ABCC3: variants seen among roughly 807,000 people sequenced by gnomAD.
The protein encoded by ABCC3 is ATP-binding cassette sub-family C member 3.
Under a neutral mutation model 165.3 loss-of-function variants are expected in ABCC3, and 121 were observed. The ratio of observed to expected loss-of-function variants is 0.73; its 90% CI spans 0.63 to 0.85. ABCC3 has a LOEUF of 0.85. Among genes scored for constraint, ABCC3 ranks in the 40% least tolerant of loss-of-function variants. ABCC3 has a pLI of 0.00. For missense variants in ABCC3, 1,869 were observed against 1,964.1 expected (o/e 0.95, Z 0.92); for synonymous variants, 733 against 810.1 (o/e 0.90, Z 1.62).
rs796250696 is a variant in ABCC3, at chr17:50,668,028, G to T, written c.1782+19G>T. On this transcript the variant is annotated intron_variant, in intron 13 of 30. Transcript: ENST00000285238. ...GACTCAGGTAACCCTGGGTAGGGCT[G>T]GGGGCTCTACTGGAGTTGGAACAGG... 2 of 1,605,930 alleles carry T rather than the reference G, an allele frequency of 1.2e-6. No individual in the cohort carries two copies. Among genetic ancestry groups the T allele is most frequent in the African/African-American group, 2.7e-5 (2 of 74,870 alleles).
chr17:50,667,757 G>A lies in ABCC3; in HGVS notation c.1635G>A (p.Leu545=), dbSNP rs768218845. ...TCACCTGGATGTGCAGCCCCTTCCT[G>A]GTGAGGCTTGGCACAGGGCTGGGTC... is the stretch of plus-strand genomic sequence containing the variant. ...TTFTWMCSPF[L]VTLITLWVYV... Residue 545 remains leucine (L), a splice_region_variant and synonymous_variant, in exon 12 of 31, where the codon CTG becomes CTA. Coordinates refer to ENST00000285238, the MANE Select transcript of ABCC3 (RefSeq NM_003786.4). 1 of 1,614,096 alleles carries A rather than the reference G, an allele frequency of 6.2e-7. No individual in the cohort carries two copies. Among genetic ancestry groups the A allele is most frequent in the Admixed American group, 1.7e-5 (1 of 60,030 alleles).
intron 30 of ABCC3, among the ~76,000 whole-genome samples, chr17:50,689,759 G>A (rs1371301608): frequency 6.6e-6 from 1 of 152,202 alleles, no homozygotes; most frequent in Non-Finnish European, 1.5e-5. Context: ...GGAGAAGGGA[G>A]GGTGGGCAGG....
rs142153760 is a variant in ABCC3, at chr17:50,639,440, C to G, written c.45+4459C>G. 4.0e-3 allele frequency among the ~76,000 whole-genome samples: 605 copies of G among 152,326 alleles called. 4 individuals are homozygous for G. The highest frequency in any genetic ancestry group is 0.014 in the African/African-American group (579 of 41,572). ...CAGGAGGGAGCTTTGCCAAGCCCGC[C>G]TGTAGTCCCCAGACAGGGAAATGGT... On this transcript the variant is annotated intron_variant, in intron 1 of 30. Coordinates refer to ENST00000285238, the MANE Select transcript of ABCC3 (RefSeq NM_003786.4).
At chr17:50,673,988 C>CCT (rs1967732278) in intron 19 of ABCC3, among the ~76,000 whole-genome samples, 1 of 12,528 alleles carries the variant, frequency 8.0e-5, no homozygotes, top group African/African-American at 5.3e-4. Context: ...TTCTCTCTCT[C>CCT]TCTCTCTCTC....
Position 50,659,341 on chromosome 17 carries a change from G to A in ABCC3, c.779G>A (p.Trp260Ter), listed in dbSNP as rs1967328312. The A allele has an allele frequency of 6.2e-7, 1 of 1,611,960 alleles. No homozygotes were observed. The highest frequency in any genetic ancestry group is 8.5e-7 in the Non-Finnish European group (1 of 1,178,458). Residue 260 changes from tryptophan (W) to a stop codon, truncating the protein, a stop_gained, in exon 7 of 31, where the codon TGG becomes TAG. Transcript: ENST00000285238. LOFTEE classifies it high-confidence loss of function. Reference sequence around the variant, plus strand: ...GTGGTGCAGCAGCTGCTGGAGGCATGGAGGAAGCAGGAAAAGCAGACGGCA... The same window carrying A: ...GTGGTGCAGCAGCTGCTGGAGGCATAGAGGAAGCAGGAAAAGCAGACGGCA... ...QMVVQQLLEA[W>*]RKQEKQTARH...
intron 1 of ABCC3, among the ~76,000 whole-genome samples, chr17:50,653,953 A>T (rs1006955766): frequency 1.3e-5 from 2 of 152,196 alleles, no homozygotes; most frequent in Non-Finnish European, 2.9e-5. Flanking sequence ...TGATTGGCTG[A>T]GACTCAGCTA....
At chr17:50,651,732 T>C (rs1444651621) in intron 1 of ABCC3, among the ~76,000 whole-genome samples, 1 of 152,144 alleles carries the variant, frequency 6.6e-6, no homozygotes, top group Admixed American at 6.5e-5. Context: ...AAAAAAGTAA[T>C]AATAAAACCT....
intron 1 of ABCC3, among the ~76,000 whole-genome samples, chr17:50,648,384 T>A (rs933955455): frequency 1.3e-5 from 2 of 151,916 alleles, no homozygotes; most frequent in African/African-American, 4.8e-5. Context: ...TAAGGAGAGA[T>A]GAAACACCCA....
chr17:50,664,793 T>C (rs1261505577), intron 10 of ABCC3: 1 of 218,386 alleles, frequency 4.6e-6, no homozygotes, highest in Admixed American at 5.3e-5. Context: ...AGGATGCTGA[T>C]GTCTGCAAAG....
At chr17:50,674,022 CTCTCTCTCTCTCTCTTTCTT>C (rs1967741771) in intron 19 of ABCC3, among the ~76,000 whole-genome samples, 3 of 6,908 alleles carry the variant, frequency 4.3e-4, no homozygotes, top group African/African-American at 2.0e-3. Context: ...CTCTCTCTCT[CTCTCTCTCTCTCTCTTTCTT>C]TCTTTCTTTC....
chr17:50,655,724 T>C, intron 1 of ABCC3, 108 bp from the exon 2 acceptor site: 1 of 1,024,232 alleles, frequency 9.8e-7, no homozygotes. Flanking sequence ...TGTCTTCCAC[T>C]CCACCCCTGT....
chr17:50,660,412 C>T (rs1167839136), intron 7 of ABCC3, among the ~76,000 whole-genome samples: 1 of 152,084 alleles, frequency 6.6e-6, no homozygotes, highest in African/African-American at 2.4e-5. Context: ...TTGCTCAGCC[C>T]GGAGCTTCCG....
chr17:50,676,007 G>A lies in ABCC3; in HGVS notation c.2984G>A (p.Trp995Ter), dbSNP rs748599112. ...GGAGCCAATGTGTGGCTCAGTGCCT[G>A]GACAAATGATGCCATGGCAGACAGT... ...AIGANVWLSA[W>*]TNDAMADSRQ... The change falls in exon 22 of 31, where the codon TGG (tryptophan) becomes TAG (stop). Residue 995 changes from tryptophan (W) to a stop codon, truncating the protein, a stop_gained. Transcript: ENST00000285238. LOFTEE classifies it high-confidence loss of function. 3.7e-6 allele frequency: 6 copies of A among 1,614,188 alleles called. No homozygotes were observed. Among genetic ancestry groups the A allele is most frequent in the Admixed American group, 1.7e-5 (1 of 60,022 alleles).
chr17:50,668,987 C>A (rs1265427712), intron 15 of ABCC3, 68 bp downstream of exon 15: 2 of 1,595,484 alleles, frequency 1.3e-6, no homozygotes, highest in East Asian at 2.2e-5. Flanking sequence ...AATAGCAGCA[C>A]CCTGCAAAGC....
intron 1 of ABCC3, among the ~76,000 whole-genome samples, chr17:50,645,350 G>A (rs868069405): frequency 4.9e-5 from 7 of 143,822 alleles, no homozygotes; most frequent in African/African-American, 1.8e-4. Flanking sequence ...CTCCAGCCTG[G>A]GCGACAGAGC....
chr17:50,648,286 T>C lies in ABCC3; in HGVS notation c.46-7546T>C, dbSNP rs576887012. On this transcript the variant is annotated intron_variant, in intron 1 of 30. Transcript: ENST00000285238. Reference sequence around the variant, plus strand: ...GAGAACAACTGAAACCAAAGGCCATTTGGAGTCTGTAAAAGCTCGGGGATT... The same window carrying C: ...GAGAACAACTGAAACCAAAGGCCATCTGGAGTCTGTAAAAGCTCGGGGATT... Among the ~76,000 whole-genome samples, 11 of 152,202 alleles carry C rather than the reference T, an allele frequency of 7.2e-5. No homozygotes were observed. The South Asian group carries it at 2.3e-3, about 32-fold the overall frequency.
intron 30 of ABCC3, among the ~76,000 whole-genome samples, chr17:50,690,864 G>T (rs539894537): frequency 6.6e-6 from 1 of 152,250 alleles, no homozygotes; most frequent in African/African-American, 2.4e-5. Flanking sequence ...CTGACTAGCA[G>T]AGATGAATAG....
chr17:50,636,024 A>C (rs2054176593), intron 1 of ABCC3: 1 of 155,372 alleles, frequency 6.4e-6, no homozygotes, highest in South Asian at 2.0e-4. Flanking sequence ...ACAGCCTAGG[A>C]GCTTTCTTAC....
At chr17:50,670,773 G>T (rs1967631076) in intron 17 of ABCC3, among the ~76,000 whole-genome samples, 1 of 152,142 alleles carries the variant, frequency 6.6e-6, no homozygotes, top group Non-Finnish European at 1.5e-5. Context: ...CTGGGGCCAT[G>T]GAACCCTGTA....
Sources: gnomAD v4.1 joint callset for allele counts (sites outside exome capture counted in the v4.1 genomes callset) on GRCh38, gnomAD v4.1.1 for gene constraint, MANE v1.5 for transcripts, NCBI Gene and HGNC (gene_info 2026-07-23, HGNC 2026-07-21) for gene names.